The following CSGALNACT1 variants were observed in gnomAD, a reference collection of about 807,000 sequenced individuals.
CSGALNACT1 encodes the protein chondroitin sulfate N-acetylgalactosaminyltransferase 1, also known as beta4GalNAcT-1.
In CSGALNACT1, 52 loss-of-function variants were observed where a neutral mutation model predicts 51.0. That is an observed-to-expected ratio of 1.02 (90% CI 0.82 to 1.29). The LOEUF (loss-of-function observed/expected upper bound fraction) is 1.29. CSGALNACT1 is among the 50% of genes most tolerant of loss of function. The probability of loss-of-function intolerance (pLI) is 0.00; values close to 1 mark genes in which losing one functional copy is unlikely to be tolerated. For synonymous variants in CSGALNACT1, 341 were observed against 254.4 expected (o/e 1.34, Z -3.24); for missense variants, 935 against 679.2 (o/e 1.38, Z -4.19).
intron 3 of CSGALNACT1, among the ~76,000 whole-genome samples, chr8:19,576,700 C>T (rs2044304958): frequency 6.6e-6 from 1 of 152,082 alleles, no homozygotes; most frequent in Non-Finnish European, 1.5e-5. Flanking sequence ...TGCTACCCTG[C>T]TGTGATATGA....
intron 3 of CSGALNACT1, among the ~76,000 whole-genome samples, chr8:19,586,100 T>C (rs1485965111): frequency 1.3e-5 from 2 of 152,146 alleles, no homozygotes; most frequent in Non-Finnish European, 2.9e-5. Flanking sequence ...TGGTGGTTCA[T>C]GCCTGTAATC....
chr8:19,420,760 C>T (rs963580536), intron 6 of CSGALNACT1, among the ~76,000 whole-genome samples: 3 of 152,162 alleles, frequency 2.0e-5, no homozygotes, highest in African/African-American at 4.8e-5. Context: ...CTGGCAGTTT[C>T]CCCGTATTGA....
At chr8:19,485,200 C>T (rs1563668164) in intron 4 of CSGALNACT1, among the ~76,000 whole-genome samples, 2 of 152,134 alleles carry the variant, frequency 1.3e-5, no homozygotes, top group Non-Finnish European at 2.9e-5. Context: ...ACATATACCC[C>T]ATCCAGCGTC....
At chr8:19,471,715 A>T (rs1297752645) in intron 4 of CSGALNACT1, among the ~76,000 whole-genome samples, 1 of 152,200 alleles carries the variant, frequency 6.6e-6, no homozygotes, top group African/African-American at 2.4e-5. Context: ...GAGTACAAGG[A>T]CAGGAAAGGG....
intron 2 of CSGALNACT1, chr8:19,591,350 A>G (rs1254619172): frequency 2.0e-5 from 3 of 152,228 alleles, no homozygotes; most frequent in African/African-American, 7.2e-5. Context: ...CTAAAGACCA[A>G]TAGACTTCAA....
chr8:19,457,770 A>G, intron 5 of CSGALNACT1: 1 of 1,351,338 alleles, frequency 7.4e-7, no homozygotes, highest in Non-Finnish European at 9.8e-7. Flanking sequence ...CCAACACCGC[A>G]CAATCAAGGG....
At chr8:19,714,146 T>A (rs2062668754) in intron 1 of CSGALNACT1, among the ~76,000 whole-genome samples, 1 of 152,240 alleles carries the variant, frequency 6.6e-6, no homozygotes, top group South Asian at 2.1e-4. Flanking sequence ...TATCCAATTA[T>A]TCCCCACTCC....
At chr8:19,549,124 CTT>C (rs11335504) in intron 3 of CSGALNACT1, among the ~76,000 whole-genome samples, 3,187 of 148,910 alleles carry the variant, frequency 0.021, 95 homozygotes, top group African/African-American at 0.066. Context: ...GCTGCTTATC[CTT>C]TTTTTTTTTA....
intron 4 of CSGALNACT1, among the ~76,000 whole-genome samples, chr8:19,473,690 A>G (rs1354573935): frequency 6.6e-6 from 1 of 152,230 alleles, no homozygotes; most frequent in Non-Finnish European, 1.5e-5. Context: ...AGTGTCTCTT[A>G]GAAGCATTGG....
At chr8:19,629,816 G>T (rs2054964213) in intron 1 of CSGALNACT1, among the ~76,000 whole-genome samples, 2 of 152,140 alleles carry the variant, frequency 1.3e-5, no homozygotes, top group Admixed American at 6.5e-5. Context: ...TGCTTCTAAT[G>T]TATCATTCTC....
At chr8:19,689,852 C>G (rs796961140) in intron 1 of CSGALNACT1, among the ~76,000 whole-genome samples, 3 of 152,308 alleles carry the variant, frequency 2.0e-5, no homozygotes, top group African/African-American at 4.8e-5. Context: ...AGGAAAGTGA[C>G]GTAGAGTAAC....
At chr8:19,505,096 C>A (rs2077051390) in intron 4 of CSGALNACT1, 105 bp downstream of exon 3, 1 of 1,276,430 alleles carries the variant, frequency 7.8e-7, no homozygotes, top group Admixed American at 1.7e-5. Context: ...TTCCGCCAGC[C>A]ATCCCAGAGC....
chr8:19,431,415 G>C (rs936739120), intron 6 of CSGALNACT1, among the ~76,000 whole-genome samples: 5 of 151,948 alleles, frequency 3.3e-5, no homozygotes, highest in Admixed American at 6.6e-5. Context: ...TATGCATATT[G>C]AGATGGTCAT....
At chr8:19,663,513 G>C (rs1057228003) in intron 1 of CSGALNACT1, among the ~76,000 whole-genome samples, 1 of 152,122 alleles carries the variant, frequency 6.6e-6, no homozygotes, top group African/African-American at 2.4e-5. Context: ...AAGCAACTCT[G>C]TTCCAAAGAG....
chr8:19,602,352 T>C (rs1225986954), exon 1 of CSGALNACT1: 1 of 147,728 alleles, frequency 6.8e-6, no homozygotes, highest in South Asian at 2.1e-4. Flanking sequence ...AATGAAATGT[T>C]AAAAAATAAA....
chr8:19,691,494 A>T (rs1208025801), intron 1 of CSGALNACT1, among the ~76,000 whole-genome samples: 1 of 152,250 alleles, frequency 6.6e-6, no homozygotes, highest in Non-Finnish European at 1.5e-5. Context: ...GAAAATCACT[A>T]GGCCTGTTAG....
intron 1 of CSGALNACT1, among the ~76,000 whole-genome samples, chr8:19,621,107 A>G (rs1424385691): frequency 1.3e-5 from 2 of 152,234 alleles, no homozygotes; most frequent in African/African-American, 4.8e-5. Context: ...TGAATGCTAG[A>G]AGTGATAAAG....
intron 4 of CSGALNACT1, among the ~76,000 whole-genome samples, chr8:19,478,671 A>G (rs935056147): frequency 4.6e-5 from 7 of 152,160 alleles, no homozygotes; most frequent in African/African-American, 1.7e-4. Context: ...TCTTCAAAGC[A>G]ATTCTAGGAG....
At chr8:19,700,435 C>T (rs1358680283) in intron 1 of CSGALNACT1, among the ~76,000 whole-genome samples, 1 of 152,090 alleles carries the variant, frequency 6.6e-6, no homozygotes, top group Admixed American at 6.5e-5. Context: ...TCCTTTTATG[C>T]CTCTCATAAT....
Sources: gnomAD v4.1 joint callset for allele counts (sites outside exome capture counted in the v4.1 genomes callset) on GRCh38, gnomAD v4.1.1 for gene constraint, MANE v1.5 for transcripts, NCBI Gene and HGNC (gene_info 2026-07-23, HGNC 2026-07-21) for gene names.